Variants in NAP1L1 observed in about 807,000 individuals in gnomAD.
NAP1L1 encodes the protein nucleosome assembly protein 1-like 1.
A neutral mutation model predicts 58.9 loss-of-function variants in NAP1L1; 9 were observed. The ratio of observed to expected loss-of-function variants is 0.15; its 90% CI spans 0.09 to 0.27. The LOEUF (loss-of-function observed/expected upper bound fraction) is 0.27, where lower values mean the gene tolerates loss of function less well. NAP1L1 is among the 10% of genes least tolerant of loss of function. The pLI is 1.00. For missense variants in NAP1L1, 302 were observed against 458.8 expected (o/e 0.66, Z 3.12); for synonymous variants, 130 against 138.3 (o/e 0.94, Z 0.42).
At chr12:76,062,838 C>T (rs1457328278) in intron 4 of NAP1L1, among the ~76,000 whole-genome samples, 1 of 152,164 alleles carries the variant, frequency 6.6e-6, no homozygotes, top group Non-Finnish European at 1.5e-5. Flanking sequence ...AAAATCCTTA[C>T]TCTGCTTCCT....
chr12:76,060,121 G>A lies in NAP1L1; in HGVS notation c.348+17C>T. 1 of 1,596,104 alleles carries A rather than the reference G, an allele frequency of 6.3e-7. No homozygotes were observed. Among genetic ancestry groups the A allele is most frequent in the Non-Finnish European group, 8.5e-7 (1 of 1,175,586 alleles). On this transcript the variant is annotated intron_variant, in intron 5 of 14. Transcript: ENST00000618691. ...CTTCTAGAATGTTAAATTAAACAAA[G>A]TAGGAGAAAGCATTACCTTATCAAA...
intron 11 of NAP1L1, among the ~76,000 whole-genome samples, chr12:76,052,349 A>T (rs535933653): frequency 3.9e-5 from 6 of 152,182 alleles, no homozygotes; most frequent in Non-Finnish European, 7.3e-5. Context: ...TAATACTTAA[A>T]GTAGTTTTTC....
At chr12:76,075,952 C>A (rs1439542448) in intron 1 of NAP1L1, among the ~76,000 whole-genome samples, 1 of 152,050 alleles carries the variant, frequency 6.6e-6, no homozygotes. Context: ...CCGCTTGAGG[C>A]CAGGAGTTCA....
intron 1 of NAP1L1, chr12:76,083,840 T>C (rs1328563086): frequency 6.6e-6 from 1 of 152,252 alleles, no homozygotes. Context: ...TACCCTTCCT[T>C]TTCACATTCC....
intron 1 of NAP1L1, among the ~76,000 whole-genome samples, chr12:76,076,890 G>T (rs1950202919): frequency 6.6e-6 from 1 of 152,054 alleles, no homozygotes; most frequent in Admixed American, 6.6e-5. Context: ...TACAGCATGT[G>T]ACTGTATTGA....
chr12:76,048,472 A>G lies in NAP1L1; in HGVS notation c.1141-8T>C, dbSNP rs770516387. On this transcript the variant is annotated splice_region_variant and splice_polypyrimidine_tract_variant and intron_variant, in intron 14 of 14. Transcript: ENST00000618691. ...TGCTGGGTTTTGATCCTTCTGTTAA[A>G]GGAAAACAACAAGTCAATCTATCTT... The G allele has an allele frequency of 2.5e-6, 4 of 1,613,722 alleles. No individual in the cohort carries two copies.
Position 76,067,404 on chromosome 12 carries a change from C to T in NAP1L1, c.173G>A (p.Gly58Asp), listed in dbSNP as rs765010364. Residue 58 changes from glycine (G) to aspartate (D), a missense_variant, in exon 4 of 15, where the codon GGT becomes GAT. Coordinates refer to ENST00000618691, the MANE Select transcript of NAP1L1 (RefSeq NM_004537.7). ...GTATCCTGTTGGTGTTTCTACCAGA[C>T]CATCAAGTCTTTCTTGAAGGGCTGC... ...ILAALQERLD[G>D]LVETPTGYIE... is the part of the protein sequence containing the mutation. 3 of 1,609,662 alleles carry T rather than the reference C, an allele frequency of 1.9e-6. No homozygotes were observed. In the South Asian group the frequency reaches 3.3e-5, roughly 18 times the overall value.
intron 1 of NAP1L1, among the ~76,000 whole-genome samples, chr12:76,076,551 TATATATATATATATATATATATATA>T (rs1218792519): frequency 4.1e-4 from 2 of 4,884 alleles, no homozygotes; most frequent in Non-Finnish European, 8.7e-4. Flanking sequence ...GATATGGAAA[TATATATATATATATATATATATATA>T]TATATATATA....
rs1158899989 is a variant in NAP1L1 at position 76,038,344 on chromosome 12, C to T, written c.*10085G>A. The stretch of plus-strand genomic sequence containing the variant: ...AACTGACAGTCACTTGGGCAAATAC[C>T]TCCATTTAAGGAACTAAATTCCAAG... On this transcript the variant is annotated 3_prime_UTR_variant, in exon 15 of 15. Transcript: ENST00000618691. The T allele has an allele frequency of 6.6e-6, 1 of 152,180 alleles. No individual in the cohort carries two copies. 9.4% of individuals were successfully genotyped at this position (152,180 alleles called of 1,614,324 possible).
rs550938713 is a variant in NAP1L1, at chr12:76,065,244, TA to T, written c.206+2126del. Reference sequence around the variant, plus strand: ...AATAGAGCATCTTAATTGATACAGTTAAAAAAAAAAACCAAAGGTCAGATTA... The same window carrying T: ...AATAGAGCATCTTAATTGATACAGTTAAAAAAAAAACCAAAGGTCAGATTA... On this transcript the variant is annotated intron_variant, in intron 4 of 14. Transcript: ENST00000618691. Among the ~76,000 whole-genome samples, 695 of 145,070 alleles carry T rather than the reference TA, an allele frequency of 4.8e-3. 3 individuals carry two copies. Among genetic ancestry groups the T allele is most frequent in the African/African-American group, 0.015 (588 of 39,874 alleles).
At chr12:76,061,886 T>C (rs1197016128) in intron 4 of NAP1L1, among the ~76,000 whole-genome samples, 1 of 152,216 alleles carries the variant, frequency 6.6e-6, no homozygotes, top group Non-Finnish European at 1.5e-5. Context: ...CTGGCTTTTC[T>C]TGCTCCCCCA....
In NAP1L1 at chr12:76,047,726, A is replaced by G. The variant is rs1948647515; in HGVS notation, c.*703T>C. On this transcript the variant is annotated 3_prime_UTR_variant, in exon 15 of 15. Coordinates refer to ENST00000618691, the MANE Select transcript of NAP1L1 (RefSeq NM_004537.7). Reference sequence around the variant, plus strand: ...GGAAGCAGAAGGTAGACCCTACCACAAAGAAAAGATGCTTAGTTAATGGAG... The same window carrying G: ...GGAAGCAGAAGGTAGACCCTACCACGAAGAAAAGATGCTTAGTTAATGGAG... 6.6e-6 allele frequency: 1 copy of G among 152,060 alleles called. No individual in the cohort carries two copies. The highest frequency in any genetic ancestry group is 2.4e-5 in the African/African-American group (1 of 41,458). The allele number at this position is 152,060 out of a possible 1,614,324, so 9.4% of individuals were successfully genotyped here.
At chr12:76,056,469 C>A in intron 6 of NAP1L1, 1 of 350,798 alleles carries the variant, frequency 2.9e-6, no homozygotes, top group South Asian at 2.3e-5. Context: ...AACAGAAATA[C>A]TAATTTGGTC....
chr12:76,050,261 T>C (rs1456569812), intron 12 of NAP1L1, among the ~76,000 whole-genome samples: 1 of 152,130 alleles, frequency 6.6e-6, no homozygotes, highest in Non-Finnish European at 1.5e-5. Flanking sequence ...GGCAAGGGCA[T>C]AATAGATCTA....
chr12:76,051,534 T>C (rs1948828880), intron 11 of NAP1L1, among the ~76,000 whole-genome samples: 1 of 152,192 alleles, frequency 6.6e-6, no homozygotes. Context: ...ACTAACTAAA[T>C]CAGGTGCCCC....
rs762207743 is a variant in NAP1L1 at position 76,049,431 on chromosome 12, T to G, written c.1090-181A>C. 1.2e-5 allele frequency: 19 copies of G among 1,534,796 alleles called. No homozygotes were observed. The South Asian group carries it at 2.1e-4, about 17-fold the overall frequency. ...ATATGAAAAATTTCCCAACACAACTTGAGACATCCAGACAGCTTTTATTGA... is the reference window on the plus strand; with the variant it reads ...ATATGAAAAATTTCCCAACACAACTGGAGACATCCAGACAGCTTTTATTGA... On this transcript the variant is annotated intron_variant, in intron 13 of 14. Coordinates refer to ENST00000618691, the MANE Select transcript of NAP1L1 (RefSeq NM_004537.7).
chr12:76,070,464 A>G (rs1397063452), intron 2 of NAP1L1, among the ~76,000 whole-genome samples: 1 of 152,162 alleles, frequency 6.6e-6, no homozygotes, highest in Non-Finnish European at 1.5e-5. Flanking sequence ...AAGTGTACAC[A>G]CTTAACGGTC....
chr12:76,080,043 G>A (rs1292900803), intron 1 of NAP1L1, among the ~76,000 whole-genome samples: 1 of 152,178 alleles, frequency 6.6e-6, no homozygotes, highest in African/African-American at 2.4e-5. Flanking sequence ...TTCCACTGAA[G>A]AGGGGAGGCA....
intron 11 of NAP1L1, 87 bp downstream of exon 11, chr12:76,053,004 A>AACCATCCC (rs1285823911): frequency 1.5e-5 from 20 of 1,310,086 alleles, no homozygotes; most frequent in Non-Finnish European, 1.9e-5. Context: ...TCAATGTAAC[A>AACCATCCC]ACCATCCCAC....
Sources: gnomAD v4.1 joint callset for allele counts (sites outside exome capture counted in the v4.1 genomes callset) on GRCh38, gnomAD v4.1.1 for gene constraint, MANE v1.5 for transcripts, NCBI Gene and HGNC (gene_info 2026-07-23, HGNC 2026-07-21) for gene names.